PRKCB: variants seen among roughly 807,000 people sequenced by gnomAD.
PRKCB encodes protein kinase C beta.
A neutral mutation model predicts 81.5 loss-of-function variants in PRKCB; 13 were observed. That is an observed-to-expected ratio of 0.16 (90% CI 0.10 to 0.25). The LOEUF is 0.25. Among genes scored for constraint, PRKCB ranks in the 10% least tolerant of loss-of-function variants. The pLI, the probability that PRKCB is intolerant of heterozygous loss-of-function variation, is 1.00. For synonymous variants in PRKCB, 335 were observed against 321.4 expected, an observed-to-expected ratio of 1.04 and a Z score of -0.45; for missense variants, 509 against 875.7, an observed-to-expected ratio of 0.58 and a Z score of 5.29.
chr16:24,220,201 C>G lies in PRKCB; in HGVS notation c.*5385C>G. ...TTCTAGTCTTCCAGGATTCACGGTG[C>G]ACATGCTGGCATTCAACATGTGGAA... On this transcript the variant is annotated 3_prime_UTR_variant, in exon 17 of 17. Transcript: ENST00000643927. 1 of 1,479,482 alleles carries G rather than the reference C, an allele frequency of 6.8e-7. No homozygotes were observed. Among genetic ancestry groups the G allele is most frequent in the East Asian group, 2.3e-5 (1 of 43,712 alleles). 91.6% of individuals were successfully genotyped at this position (1,479,482 alleles called of 1,614,324 possible). A position where few individuals can be genotyped will look rare whatever the true frequency, so the allele number is the denominator to read the frequency against.
intron 2 of PRKCB, among the ~76,000 whole-genome samples, chr16:23,956,955 A>G (rs980298908): frequency 1.5e-5 from 2 of 137,190 alleles, no homozygotes; most frequent in Admixed American, 7.8e-5. Flanking sequence ...AAAATAAATT[A>G]CAGGTGGAGT....
At chr16:23,902,257 G>T (rs544584241) in intron 2 of PRKCB, among the ~76,000 whole-genome samples, 1 of 152,148 alleles carries the variant, frequency 6.6e-6, no homozygotes, top group South Asian at 2.1e-4. Flanking sequence ...AAAAACATTT[G>T]CCCCTGCCTT....
At chr16:23,979,020 G>A (rs1358184774) in intron 2 of PRKCB, among the ~76,000 whole-genome samples, 7 of 152,216 alleles carry the variant, frequency 4.6e-5, no homozygotes, top group Admixed American at 4.6e-4. Flanking sequence ...TTTTCCAGGA[G>A]TGTACAGGCC....
intron 4 of PRKCB, among the ~76,000 whole-genome samples, chr16:24,034,995 T>C (rs968984225): frequency 8.5e-5 from 13 of 152,316 alleles, no homozygotes; most frequent in Non-Finnish European, 1.8e-4. Context: ...CACATCGAGA[T>C]TCCTGCATAC....
intron 2 of PRKCB, among the ~76,000 whole-genome samples, chr16:23,910,012 T>C (rs1271764738): frequency 6.6e-6 from 1 of 152,182 alleles, no homozygotes; most frequent in Non-Finnish European, 1.5e-5. Context: ...GTTCAGTCCA[T>C]AGCAGGAAGC....
chr16:24,162,957 T>G (rs1479191333), intron 10 of PRKCB, among the ~76,000 whole-genome samples: 1 of 152,230 alleles, frequency 6.6e-6, no homozygotes, highest in African/African-American at 2.4e-5. Context: ...TAAAGCAGTC[T>G]AGAATAGATT....
At position 24,058,059 on chromosome 16, in the gene PRKCB, G is replaced by A. The variant is rs115824162; in HGVS notation, c.529+22512G>A. 5.0e-3 allele frequency among the ~76,000 whole-genome samples: 763 copies of A among 152,150 alleles called. 5 individuals carry two copies. Among genetic ancestry groups the A allele is most frequent in the African/African-American group, 0.018 (731 of 41,504 alleles). On this transcript the variant is annotated intron_variant, in intron 5 of 16. Coordinates refer to ENST00000643927, the MANE Select transcript of PRKCB (RefSeq NM_002738.7). ...CCTTGTTTGTTCTTTTCCCATGATAGCCACATCTCTGAGCCAACAAATATT... is the reference window on the plus strand; with the variant it reads ...CCTTGTTTGTTCTTTTCCCATGATAACCACATCTCTGAGCCAACAAATATT...
chr16:24,050,955 A>G (rs1965834083), intron 5 of PRKCB, among the ~76,000 whole-genome samples: 1 of 148,060 alleles, frequency 6.8e-6, no homozygotes, highest in South Asian at 2.1e-4. Flanking sequence ...TTTTTTTGAG[A>G]CTCCAGGATG....
intron 2 of PRKCB, among the ~76,000 whole-genome samples, chr16:23,876,971 A>G (rs746706336): frequency 3.9e-5 from 4 of 102,834 alleles, no homozygotes; most frequent in Non-Finnish European, 7.9e-5. Context: ...GCAAAAAAGA[A>G]TTTGTTAGAA....
In PRKCB at chr16:24,215,639, C is replaced by CAAAAAAAAGA; in HGVS notation, c.*843_*852dup. On this transcript the variant is annotated 3_prime_UTR_variant, in exon 17 of 17. Coordinates refer to ENST00000643927, the MANE Select transcript of PRKCB (RefSeq NM_002738.7). ...TTTTGTTTCTGTTGTTGTTCAAATGCAAAAAAAAGAAAAAAAAAGAAAAAA... is the reference window on the plus strand; with the variant it reads ...TTTTGTTTCTGTTGTTGTTCAAATGCAAAAAAAAGAAAAAAAAAGAAAAAAAAAGAAAAAA... 1 of 964,220 alleles carries CAAAAAAAAGA rather than the reference C, an allele frequency of 1.0e-6. No individual in the cohort carries two copies. Among genetic ancestry groups the CAAAAAAAAGA allele is most frequent in the Non-Finnish European group, 1.2e-6 (1 of 821,834 alleles). The allele number at this position is 964,220 out of a possible 1,614,324, so 59.7% of individuals were successfully genotyped here. A position where few individuals can be genotyped will look rare whatever the true frequency, so the allele number is the denominator to read the frequency against.
At chr16:24,119,334 C>G (rs1011589220) in intron 8 of PRKCB, among the ~76,000 whole-genome samples, 1 of 151,982 alleles carries the variant, frequency 6.6e-6, no homozygotes, top group South Asian at 2.1e-4. Context: ...AAAAATCAAC[C>G]CCTCTTCCCA....
At chr16:23,945,747 G>GAAAACA (rs1964197665) in intron 2 of PRKCB, among the ~76,000 whole-genome samples, 2 of 151,902 alleles carry the variant, frequency 1.3e-5, no homozygotes, top group African/African-American at 4.8e-5. Flanking sequence ...AAAAGAAAAA[G>GAAAACA]AAAACAAAAA....
chr16:23,845,218 G>A (rs9923441), intron 2 of PRKCB, among the ~76,000 whole-genome samples: 86,740 of 151,966 alleles, frequency 0.57, 24,821 homozygotes, highest in East Asian at 0.61. Context: ...ATGATGTAGC[G>A]GGGGGAGATA....
intron 2 of PRKCB, among the ~76,000 whole-genome samples, chr16:23,925,896 TAAG>T (rs2141750947): frequency 6.6e-6 from 1 of 152,126 alleles, no homozygotes; most frequent in South Asian, 2.1e-4. Context: ...CATTTATAAC[TAAG>T]AATATGCATT....
intron 5 of PRKCB, among the ~76,000 whole-genome samples, chr16:24,080,941 C>G (rs1043151687): frequency 2.6e-5 from 4 of 152,086 alleles, no homozygotes; most frequent in Admixed American, 2.6e-4. Flanking sequence ...ATTTTTCAAC[C>G]TATTTTATGA....
intron 8 of PRKCB, among the ~76,000 whole-genome samples, chr16:24,122,317 G>A (rs1966807682): frequency 1.3e-5 from 2 of 152,290 alleles, no homozygotes; most frequent in African/African-American, 4.8e-5. Flanking sequence ...GAGGGGCTCA[G>A]TCATCTGTGG....
chr16:24,037,475 G>A (rs1965637725), intron 5 of PRKCB, among the ~76,000 whole-genome samples: 1 of 152,198 alleles, frequency 6.6e-6, no homozygotes. Flanking sequence ...ACTCAAATGA[G>A]TTAAGTTATC....
chr16:23,981,595 C>CTTCCCTTCCCTTTCCTTTCCCT (rs1964704867), intron 2 of PRKCB, among the ~76,000 whole-genome samples: 2 of 149,946 alleles, frequency 1.3e-5, no homozygotes, highest in Non-Finnish European at 3.0e-5. Flanking sequence ...CTTTCCTTCC[C>CTTCCCTTCCCTTTCCTTTCCCT]TTCCCTTCCC....
chr16:23,991,358 C>T (rs1428677238), intron 3 of PRKCB, among the ~76,000 whole-genome samples: 1 of 152,218 alleles, frequency 6.6e-6, no homozygotes, highest in Non-Finnish European at 1.5e-5. Flanking sequence ...TTGTCATGTT[C>T]TCTCAGATCC....
Sources: allele counts gnomAD v4.1 joint callset (sites outside exome capture counted in the v4.1 genomes callset), GRCh38; gene constraint gnomAD v4.1.1; transcripts MANE v1.5; gene names NCBI Gene and HGNC (gene_info 2026-07-23, HGNC 2026-07-21).